Variants in WIPI1 observed in about 807,000 individuals in gnomAD.
The protein encoded by WIPI1 is WD repeat domain, phosphoinositide interacting 1, also known as WD repeat domain phosphoinositide-interacting protein 1.
WIPI1 carries 45 observed loss-of-function variants against 55.3 expected under a neutral mutation model. The observed-to-expected ratio is 0.81, with a 90% confidence interval of 0.64 to 1.04. The LOEUF is 1.04. WIPI1 is among the 50% of genes least tolerant of loss of function. The pLI, the probability that WIPI1 is intolerant of heterozygous loss-of-function variation, is 0.00. For synonymous variants in WIPI1, 195 were observed against 217.6 expected, an observed-to-expected ratio of 0.90 and a Z score of 0.92; for missense variants, 445 against 559.0, an observed-to-expected ratio of 0.80 and a Z score of 2.06.
At chr17:68,440,376 C>G (rs956969146) in intron 4 of WIPI1, among the ~76,000 whole-genome samples, 1 of 152,192 alleles carries the variant, frequency 6.6e-6, no homozygotes, top group Non-Finnish European at 1.5e-5. Flanking sequence ...TTCTGCCAGT[C>G]TCCTCTTTCT....
chr17:68,453,361 A>G (rs911838468), intron 1 of WIPI1, among the ~76,000 whole-genome samples: 1 of 152,100 alleles, frequency 6.6e-6, no homozygotes, highest in African/African-American at 2.4e-5. Context: ...CCTCCAACAC[A>G]ACGAGGGGGC....
At chr17:68,448,966 T>C (rs956847164) in intron 3 of WIPI1, among the ~76,000 whole-genome samples, 1 of 152,330 alleles carries the variant, frequency 6.6e-6, no homozygotes, top group African/African-American at 2.4e-5. Flanking sequence ...CTCCAGCTAT[T>C]TTTCACCGCA....
In WIPI1 at chr17:68,433,593, CAT is replaced by C. The variant is rs781735458; in HGVS notation, c.693-20_693-19del. 6.2e-7 allele frequency: 1 copy of C among 1,604,594 alleles called. No individual in the cohort carries two copies. Among genetic ancestry groups the C allele is most frequent in the Non-Finnish European group, 8.5e-7 (1 of 1,171,924 alleles). ...TCACATACCTACAAGCACAGCAACA[CAT>C]GGGTCAGTGAGCAAGAGAAATGGGA... On this transcript the variant is annotated intron_variant, in intron 7 of 12. Transcript: ENST00000262139.
In WIPI1 at chr17:68,436,484, C is replaced by T. The variant is rs1455225715; in HGVS notation, c.431-5G>A. ...TGATAGAGAGAGCACATAGACCTGG[C>T]AAAGAAGAAACAGAACATGAGAAGC... On this transcript the variant is annotated splice_polypyrimidine_tract_variant and splice_region_variant and intron_variant, in intron 4 of 12. Transcript: ENST00000262139. 3.7e-6 allele frequency: 6 copies of T among 1,613,320 alleles called. No individual in the cohort carries two copies. Among genetic ancestry groups the T allele is most frequent in the African/African-American group, 1.3e-5 (1 of 75,016 alleles).
At chr17:68,427,040 G>A in intron 11 of WIPI1, 95 bp downstream of exon 11, 1 of 1,033,092 alleles carries the variant, frequency 9.7e-7, no homozygotes, top group Admixed American at 1.9e-5. Flanking sequence ...CCACCCCCAG[G>A]TAACAGTGAA....
At chr17:68,437,626 C>T (rs966690296) in intron 4 of WIPI1, among the ~76,000 whole-genome samples, 9 of 151,758 alleles carry the variant, frequency 5.9e-5, no homozygotes, top group Middle Eastern at 3.5e-3. Flanking sequence ...GGGTACCTCC[C>T]GAGGAGGAAG....
intron 7 of WIPI1, among the ~76,000 whole-genome samples, 188 bp from the exon 8 acceptor site, chr17:68,433,763 T>G (rs112564341): frequency 0.3 from 5,306 of 17,602 alleles, 47 homozygotes; most frequent in South Asian, 0.4. Flanking sequence ...GGTCATAGTT[T>G]TTTTTTTTTT....
intron 1 of WIPI1, among the ~76,000 whole-genome samples, chr17:68,455,796 C>CT (rs1439003785): frequency 2.0e-5 from 3 of 152,290 alleles, no homozygotes; most frequent in Admixed American, 1.3e-4. Context: ...AATTAACACC[C>CT]TTTTTTGTCA....
chr17:68,457,279 G>T, intron 1 of WIPI1, 63 bp downstream of exon 1: 2 of 1,519,388 alleles, frequency 1.3e-6, no homozygotes, highest in South Asian at 2.4e-5. Context: ...CTCTCAGGAC[G>T]ACACCCCTGG....
chr17:68,450,581 A>G, intron 3 of WIPI1, 147 bp downstream of exon 3: 2 of 1,093,924 alleles, frequency 1.8e-6, no homozygotes, highest in South Asian at 3.2e-5. Context: ...TCTGTTTACA[A>G]TACCCCCGGG....
chr17:68,439,808 C>T (rs928199067), intron 4 of WIPI1, among the ~76,000 whole-genome samples: 5 of 152,090 alleles, frequency 3.3e-5, no homozygotes, highest in Admixed American at 2.0e-4. Context: ...TGAAGGCTAC[C>T]GTGATATAGA....
intron 7 of WIPI1, 27 bp from the exon 8 acceptor site, chr17:68,433,602 G>T (rs377737607): frequency 6.3e-7 from 1 of 1,587,318 alleles, no homozygotes; most frequent in Non-Finnish European, 8.6e-7. Flanking sequence ...ACATGGGTCA[G>T]TGAGCAAGAG....
chr17:68,441,438 A>G (rs2084072655), intron 4 of WIPI1, among the ~76,000 whole-genome samples: 1 of 152,204 alleles, frequency 6.6e-6, no homozygotes, highest in African/African-American at 2.4e-5. Flanking sequence ...TTCCTTCTGT[A>G]CCCAGCAAGG....
At chr17:68,434,737 A>G (rs1266147530) in intron 6 of WIPI1, 111 bp from the exon 7 acceptor site, 3 of 1,063,218 alleles carry the variant, frequency 2.8e-6, no homozygotes, top group Non-Finnish European at 4.1e-6. Context: ...TCTGAGGAGG[A>G]AGAACACCAC....
chr17:68,429,464 ACAGTGT>A (rs1303998925), intron 9 of WIPI1, among the ~76,000 whole-genome samples: 1 of 152,236 alleles, frequency 6.6e-6, no homozygotes, highest in Admixed American at 6.5e-5. Context: ...TGTTTTTAAG[ACAGTGT>A]CATTATAACC....
At chr17:68,440,714 G>A (rs898402031) in intron 4 of WIPI1, 1 of 152,162 alleles carries the variant, frequency 6.6e-6, no homozygotes, top group East Asian at 1.9e-4. Flanking sequence ...GAAAAGAAGT[G>A]CCTGCTCTCA....
chr17:68,428,112 G>T (rs2083321592), intron 10 of WIPI1: 1 of 152,214 alleles, frequency 6.6e-6, no homozygotes, highest in Non-Finnish European at 1.5e-5. Flanking sequence ...TTCTCAGGCT[G>T]GTCTCAAACT....
At chr17:68,427,051 G>T (rs1600262899) in intron 11 of WIPI1, 84 bp downstream of exon 11, 4 of 1,160,088 alleles carry the variant, frequency 3.4e-6, no homozygotes, top group East Asian at 2.4e-5. Context: ...TAACAGTGAA[G>T]GGGGAAGGGG....
At chr17:68,446,014 G>C (rs755757257) in intron 3 of WIPI1, among the ~76,000 whole-genome samples, 2 of 152,146 alleles carry the variant, frequency 1.3e-5, no homozygotes, top group African/African-American at 2.4e-5. Flanking sequence ...TTTTATTCCA[G>C]GGAACATCAG....
Sources: gnomAD v4.1 joint callset for allele counts (sites outside exome capture counted in the v4.1 genomes callset) on GRCh38, gnomAD v4.1.1 for gene constraint, MANE v1.5 for transcripts, NCBI Gene and HGNC (gene_info 2026-07-23, HGNC 2026-07-21) for gene names.